The following CDK8 variants were observed in gnomAD, a reference collection of about 807,000 sequenced individuals.
CDK8 encodes the protein cyclin-dependent kinase 8.
A neutral mutation model predicts 71.5 loss-of-function variants in CDK8; 29 were observed. The ratio of observed to expected loss-of-function variants is 0.41; its 90% CI spans 0.30 to 0.55. The LOEUF (loss-of-function observed/expected upper bound fraction) is 0.55. Among genes scored for constraint, CDK8 ranks in the 20% least tolerant of loss-of-function variants. CDK8 has a pLI of 0.37. For synonymous variants in CDK8, 161 were observed against 192.1 expected (o/e 0.84, Z 1.34); for missense variants, 288 against 572.6 (o/e 0.50, Z 5.07).
At chr13:26,268,731 T>C (rs1354046935) in intron 1 of CDK8, among the ~76,000 whole-genome samples, 1 of 152,220 alleles carries the variant, frequency 6.6e-6, no homozygotes, top group African/African-American at 2.4e-5. Flanking sequence ...TCTTATTTTA[T>C]GTTTACTTTC....
intron 1 of CDK8, among the ~76,000 whole-genome samples, chr13:26,263,903 C>T (rs1443837063): frequency 6.6e-6 from 1 of 152,090 alleles, no homozygotes; most frequent in African/African-American, 2.4e-5. Context: ...CCCGCCACTA[C>T]GCCCGGCTAA....
intron 1 of CDK8, among the ~76,000 whole-genome samples, chr13:26,301,415 T>A (rs899066746): frequency 6.6e-6 from 1 of 152,100 alleles, no homozygotes; most frequent in African/African-American, 2.4e-5. Context: ...TTTTGTACAA[T>A]AATTAATTCC....
chr13:26,301,854 T>C (rs1873838091), intron 1 of CDK8, among the ~76,000 whole-genome samples: 1 of 152,238 alleles, frequency 6.6e-6, no homozygotes, highest in Non-Finnish European at 1.5e-5. Context: ...ACCTAGTTTT[T>C]AAAATGTGTA....
chr13:26,343,191 C>CGCAGAGTGTA (rs974573219), intron 2 of CDK8, among the ~76,000 whole-genome samples: 6 of 152,164 alleles, frequency 3.9e-5, no homozygotes, highest in African/African-American at 9.7e-5. Context: ...GTTCTGCCAT[C>CGCAGAGTGTA]GCAGAGTGTA....
At chr13:26,334,334 A>G (rs944131700) in intron 1 of CDK8, among the ~76,000 whole-genome samples, 1 of 152,198 alleles carries the variant, frequency 6.6e-6, no homozygotes, top group Non-Finnish European at 1.5e-5. Flanking sequence ...TAATTCTTAA[A>G]CAGTAGATAT....
At chr13:26,276,240 T>A (rs1872559797) in intron 1 of CDK8, among the ~76,000 whole-genome samples, 1 of 152,212 alleles carries the variant, frequency 6.6e-6, no homozygotes, top group East Asian at 1.9e-4. Context: ...TAAATGGAAA[T>A]ATTTCTAGTG....
intron 1 of CDK8, among the ~76,000 whole-genome samples, chr13:26,294,186 C>T (rs1333180857): frequency 1.3e-5 from 2 of 150,860 alleles, no homozygotes; most frequent in African/African-American, 4.9e-5. Context: ...GGCTGGAATA[C>T]AGTGGCAGGA....
At chr13:26,357,814 G>A (rs1458657025) in intron 4 of CDK8, among the ~76,000 whole-genome samples, 2 of 152,198 alleles carry the variant, frequency 1.3e-5, no homozygotes, top group African/African-American at 4.8e-5. Flanking sequence ...CTCAGGGGAG[G>A]TCAGTCTTGT....
rs1466587467 is a variant in CDK8 at position 26,393,383 on chromosome 13, G to A, written c.663G>A (p.Gly221=). The A allele has an allele frequency of 6.2e-7, 1 of 1,601,912 alleles. No individual in the cohort carries two copies. The highest frequency in any genetic ancestry group is 8.5e-7 in the Non-Finnish European group (1 of 1,171,676). The change falls in exon 7 of 13, where the codon GGG becomes GGA. Residue 221 remains glycine (G), a synonymous_variant. Coordinates refer to ENST00000381527, the MANE Select transcript of CDK8 (RefSeq NM_001260.3). ...YTKAIDIWAI[G]CIFAELLTSE... is the part of the protein sequence containing the mutation. ...GTTTTAAAGATATTTGGGCTATAGG[G>A]TGTATATTTGCAGAACTACTAACGT...
chr13:26,367,923 G>A (rs1193283580), intron 4 of CDK8, among the ~76,000 whole-genome samples: 2 of 152,112 alleles, frequency 1.3e-5, no homozygotes, highest in Non-Finnish European at 2.9e-5. Flanking sequence ...TTCAAGGAGA[G>A]GAATCCATGA....
Position 26,337,638 on chromosome 13 carries a change from T to C in CDK8, c.200T>C (p.Ile67Thr). Residue 67 changes from isoleucine to threonine, a missense_variant, in exon 2 of 13, where the codon ATA becomes ACA. Around this residue, in one of 6 missense-constraint regions of CDK8, gnomAD observed 95 missense variants for 177.3 expected, o/e 0.54. Coordinates refer to ENST00000381527, the MANE Select transcript of CDK8 (RefSeq NM_001260.3). ...TGISMSACRE[I>T]ALLRELKHPN... is the part of the protein sequence containing the mutation. ...ATCTCTATGTCGGCATGTAGAGAAATAGCAGTAAGTGAAGTTCTTTTTATC... is the reference window on the plus strand; with the variant it reads ...ATCTCTATGTCGGCATGTAGAGAAACAGCAGTAAGTGAAGTTCTTTTTATC... 1 of 1,418,410 alleles carries C rather than the reference T, an allele frequency of 7.1e-7. No homozygotes were observed. Among genetic ancestry groups the C allele is most frequent in the Non-Finnish European group, 9.3e-7 (1 of 1,075,064 alleles). The allele number at this position is 1,418,410 out of a possible 1,614,324, so 87.9% of individuals were successfully genotyped here.
At chr13:26,319,979 C>T (rs1335414178) in intron 1 of CDK8, among the ~76,000 whole-genome samples, 1 of 152,008 alleles carries the variant, frequency 6.6e-6, no homozygotes, top group East Asian at 1.9e-4. Context: ...GAAAGGACAG[C>T]CCTTTCAACA....
intron 4 of CDK8, among the ~76,000 whole-genome samples, chr13:26,377,620 G>A (rs1009103104): frequency 6.6e-6 from 1 of 152,024 alleles, no homozygotes; most frequent in Non-Finnish European, 1.5e-5. Context: ...GTGTTCAGCA[G>A]TACTAGTGGA....
intron 1 of CDK8, among the ~76,000 whole-genome samples, chr13:26,313,783 A>T (rs1351614543): frequency 2.0e-5 from 3 of 152,168 alleles, no homozygotes; most frequent in Non-Finnish European, 4.4e-5. Flanking sequence ...GGAATTGGGG[A>T]TAAGGAGGCC....
At chr13:26,336,974 C>T (rs559152399) in intron 1 of CDK8, among the ~76,000 whole-genome samples, 121 of 151,852 alleles carry the variant, frequency 8.0e-4, no homozygotes, top group African/African-American at 2.5e-3. Flanking sequence ...CTTTTTAAGC[C>T]GGTAGACACA....
chr13:26,306,032 G>A (rs1874025578), intron 1 of CDK8, among the ~76,000 whole-genome samples: 1 of 152,134 alleles, frequency 6.6e-6, no homozygotes, highest in African/African-American at 2.4e-5. Flanking sequence ...ATACTTAGGA[G>A]ATAGTATCTT....
chr13:26,318,717 A>G (rs950990051), intron 1 of CDK8, among the ~76,000 whole-genome samples: 1 of 152,256 alleles, frequency 6.6e-6, no homozygotes. Context: ...ATACATGTTC[A>G]TCTCAATTGA....
chr13:26,320,168 G>A (rs1874706643), intron 1 of CDK8, among the ~76,000 whole-genome samples: 1 of 152,054 alleles, frequency 6.6e-6, no homozygotes, highest in Non-Finnish European at 1.5e-5. Flanking sequence ...GGGAGGCTGA[G>A]GAGGGAAGAT....
chr13:26,330,044 T>C (rs1196260814), intron 1 of CDK8, among the ~76,000 whole-genome samples: 2 of 152,108 alleles, frequency 1.3e-5, no homozygotes, highest in African/African-American at 4.8e-5. Context: ...TAAGTCTTTT[T>C]GTGTGTGTGC....
Sources: allele counts gnomAD v4.1 joint callset (sites outside exome capture counted in the v4.1 genomes callset), GRCh38; gene constraint gnomAD v4.1.1; regional missense constraint gnomAD v4.1.1; transcripts MANE v1.5; gene names NCBI Gene and HGNC (gene_info 2026-07-23, HGNC 2026-07-21).